TUBGCP3: variants seen among roughly 807,000 people sequenced by gnomAD.
TUBGCP3 encodes gamma-tubulin complex component 3.
TUBGCP3 carries 50 observed loss-of-function variants against 123.1 expected under a neutral mutation model. The ratio of observed to expected loss-of-function variants is 0.41; its 90% confidence interval spans 0.32 to 0.51. The LOEUF (loss-of-function observed/expected upper bound fraction) is 0.51, where lower values mean the gene tolerates loss of function less well. Among genes scored for constraint, TUBGCP3 ranks in the 20% least tolerant of loss-of-function variants. The pLI, the probability that TUBGCP3 is intolerant of heterozygous loss-of-function variation, is 0.36. For synonymous variants in TUBGCP3, 405 were observed against 413.9 expected, an observed-to-expected ratio of 0.98 and a Z score of 0.26; for missense variants, 882 against 1,127.0, an observed-to-expected ratio of 0.78 and a Z score of 3.11.
In TUBGCP3 at chr13:112,504,746, A is replaced by G. The variant is rs373885562; in HGVS notation, c.2087-32T>C. ...GGGAAGAGTTGACGTCAGAGGTGCA[A>G]TGCAAGTACACTTACCGACAACGCG... On this transcript the variant is annotated intron_variant, in intron 17 of 21. Coordinates refer to ENST00000261965, the MANE Select transcript of TUBGCP3 (RefSeq NM_006322.6). 1.6e-5 allele frequency: 25 copies of G among 1,561,200 alleles called. No individual in the cohort carries two copies. In the African/African-American group the frequency reaches 3.4e-4, roughly 21 times the overall value.
intron 1 of TUBGCP3, among the ~76,000 whole-genome samples, chr13:112,576,964 TG>T (rs1274470472): frequency 1.3e-5 from 1 of 76,610 alleles, no homozygotes; most frequent in African/African-American, 5.1e-5. Context: ...AATGGTGGGG[TG>T]GAGGGAAAAA....
At chr13:112,547,868 G>A in intron 9 of TUBGCP3, 116 bp from the exon 10 acceptor site, 1 of 1,235,838 alleles carries the variant, frequency 8.1e-7, no homozygotes, top group East Asian at 2.5e-5. Flanking sequence ...TGAAGCCAAA[G>A]TCCCCTTTAA....
chr13:112,533,469 G>A (rs917369733), intron 11 of TUBGCP3, among the ~76,000 whole-genome samples: 1 of 152,178 alleles, frequency 6.6e-6, no homozygotes, highest in Non-Finnish European at 1.5e-5. Context: ...AGACAGCACA[G>A]CAGGGGTCTG....
the TUBGCP3 span, among the ~76,000 whole-genome samples, chr13:112,594,396 G>C: frequency 6.6e-6 from 1 of 152,232 alleles, no homozygotes; most frequent in South Asian, 2.1e-4. Flanking sequence ...AATAGCCACA[G>C]AAAAAGCATT....
At chr13:112,551,115 A>C (rs921555527) in intron 8 of TUBGCP3, among the ~76,000 whole-genome samples, 3 of 152,176 alleles carry the variant, frequency 2.0e-5, no homozygotes, top group African/African-American at 4.8e-5. Flanking sequence ...AAAAAAACAA[A>C]AACAAAACCT....
intron 21 of TUBGCP3, among the ~76,000 whole-genome samples, chr13:112,489,377 G>T (rs910311146): frequency 6.6e-6 from 1 of 152,268 alleles, no homozygotes; most frequent in Non-Finnish European, 1.5e-5. Flanking sequence ...GGTTCTCACT[G>T]ATGGCACACT....
chr13:112,519,939 C>T lies in TUBGCP3; in HGVS notation c.1828G>A (p.Ala610Thr). Residue 610 changes from alanine to threonine, a missense_variant, in exon 15 of 22, where the codon GCA becomes ACA. Ala to Thr is a moderately conservative substitution (Grantham distance 58). Coordinates refer to ENST00000261965, the MANE Select transcript of TUBGCP3 (RefSeq NM_006322.6). The surrounding 1 kb of genome is among the most constrained non-coding windows in gnomAD (Gnocchi z 6.2). ...AGGATCTCAGGACTGTCAAACTGTG[C>T]GTTGGTGGCTCTGACAGCGGTTTCT... is the stretch of plus-strand genomic sequence containing the variant. Reference protein sequence around the residue: ...ILETAVRATNAQFDSPEILRR... With the variant: ...ILETAVRATNTQFDSPEILRR... 3 of 1,613,988 alleles carry T rather than the reference C, an allele frequency of 1.9e-6. No homozygotes were observed. The highest frequency in any genetic ancestry group is 2.5e-6 in the Non-Finnish European group (3 of 1,179,876).
chr13:112,568,238 CT>C (rs1245113211), intron 2 of TUBGCP3, among the ~76,000 whole-genome samples: 1 of 151,872 alleles, frequency 6.6e-6, no homozygotes, highest in African/African-American at 2.4e-5. Flanking sequence ...GCCAAATGGA[CT>C]TCTAGAAGGT....
chr13:112,578,558 CA>C (rs71131496), intron 1 of TUBGCP3, among the ~76,000 whole-genome samples: 1,304 of 24,870 alleles, frequency 0.052, no homozygotes, highest in African/African-American at 0.084. Flanking sequence ...GACTCCGTCT[CA>C]AAAAAAAAAA....
chr13:112,583,384 G>A (rs577013552), intron 1 of TUBGCP3, among the ~76,000 whole-genome samples: 8 of 152,222 alleles, frequency 5.3e-5, no homozygotes, highest in South Asian at 4.1e-4. Context: ...CAACAGATTC[G>A]ATGAGATTGG....
At chr13:112,517,310 C>A (rs1390967875) in intron 16 of TUBGCP3, among the ~76,000 whole-genome samples, 1 of 152,176 alleles carries the variant, frequency 6.6e-6, no homozygotes, top group African/African-American at 2.4e-5. Flanking sequence ...TCCTCGAGTC[C>A]TTCTACTAAA....
At chr13:112,587,572 G>T (rs998198719) in intron 1 of TUBGCP3, among the ~76,000 whole-genome samples, 1 of 152,214 alleles carries the variant, frequency 6.6e-6, no homozygotes, top group Non-Finnish European at 1.5e-5. Flanking sequence ...CCTCACTGAC[G>T]GACCCGCGAG....
In TUBGCP3 at chr13:112,486,036, C is replaced by G; in HGVS notation, c.2681G>C (p.Arg894Pro). 1 of 1,608,668 alleles carries G rather than the reference C, an allele frequency of 6.2e-7. No individual in the cohort carries two copies. The change falls in exon 22 of 22, where the codon CGT becomes CCT. Residue 894 changes from arginine (R) to proline (P), a missense_variant. Coordinates refer to ENST00000261965, the MANE Select transcript of TUBGCP3 (RefSeq NM_006322.6). ...CCGCCCCCTGGTACCCAGAGACACACGGAGCCTGGGCTCCCTGGCTTTGTA... is the reference window on the plus strand; with the variant it reads ...CCGCCCCCTGGTACCCAGAGACACAGGGAGCCTGGGCTCCCTGGCTTTGTA... Reference protein sequence around the residue: ...EHYKAREPRLRVSLGTRGRRS... With the variant: ...EHYKAREPRLPVSLGTRGRRS...
At chr13:112,521,733 G>C (rs1461216273) in intron 14 of TUBGCP3, 1 of 985,248 alleles carries the variant, frequency 1.0e-6, no homozygotes, top group East Asian at 1.1e-4. Flanking sequence ...AAATCTCCAG[G>C]CCCAGGCTGT....
intron 3 of TUBGCP3, among the ~76,000 whole-genome samples, chr13:112,560,021 C>A (rs988380123): frequency 3.3e-5 from 5 of 151,910 alleles, no homozygotes; most frequent in Non-Finnish European, 7.4e-5. Context: ...GTAGTCCCAG[C>A]TACTCGGGAG....
chr13:112,540,894 T>G (rs1878466879), intron 11 of TUBGCP3, among the ~76,000 whole-genome samples: 1 of 152,226 alleles, frequency 6.6e-6, no homozygotes. Flanking sequence ...GATTTGAATA[T>G]TATACTCAAT....
At chr13:112,588,171 C>A (rs898975847), upstream of TUBGCP3, 1 of 443,416 alleles carries the variant, frequency 2.3e-6, no homozygotes, top group African/African-American at 2.1e-5. Context: ...TCCCACAATG[C>A]CCCGCTTCTT....
rs73568340 is a variant in TUBGCP3 at position 112,581,962 on chromosome 13, C to T, written c.76+5943G>A. On this transcript the variant is annotated intron_variant, in intron 1 of 21. Transcript: ENST00000261965. ...CTTACCTCTTCAGCCACACCTGAGT[C>T]TCCCTGTCCTCTTACCAACCAAATT... is the stretch of plus-strand genomic sequence containing the variant. Among the ~76,000 whole-genome samples the T allele has an allele frequency of 4.2e-3, 639 of 152,318 alleles. 4 individuals are homozygous for T. Among genetic ancestry groups the T allele is most frequent in the African/African-American group, 0.014 (597 of 41,552 alleles).
chr13:112,579,732 T>C (rs1882148614), intron 1 of TUBGCP3, among the ~76,000 whole-genome samples: 1 of 152,212 alleles, frequency 6.6e-6, no homozygotes, highest in Non-Finnish European at 1.5e-5. Flanking sequence ...CCCACACTGC[T>C]GGTGCAGCGG....
Sources: allele counts gnomAD v4.1 joint callset (sites outside exome capture counted in the v4.1 genomes callset), GRCh38; gene constraint gnomAD v4.1.1; non-coding constraint Gnocchi (gnomAD v3.1); transcripts MANE v1.5; gene names NCBI Gene and HGNC (gene_info 2026-07-23, HGNC 2026-07-21).